Variants in CD8A observed in about 807,000 individuals in gnomAD.
CD8A encodes T-cell surface glycoprotein CD8 alpha chain.
CD8A carries 25 observed loss-of-function variants against 24.2 expected under a neutral mutation model. The ratio of observed to expected loss-of-function variants is 1.03; its 90% CI spans 0.75 to 1.44. CD8A has a LOEUF of 1.44. CD8A is among the 40% of genes most tolerant of loss of function. CD8A has a pLI of 0.00. For synonymous variants in CD8A, 165 were observed against 149.9 expected, an observed-to-expected ratio of 1.10 and a Z score of -0.74; for missense variants, 360 against 319.7, an observed-to-expected ratio of 1.13 and a Z score of -0.96.
intron 5 of CD8A, among the ~76,000 whole-genome samples, chr2:86,787,019 C>CAAAAAAAAAAAAAAAAAAAA (rs745778659): frequency 2.7e-5 from 1 of 36,552 alleles, no homozygotes; most frequent in Non-Finnish European, 4.6e-5. Context: ...GACTCCGTCT[C>CAAAAAAAAAAAAAAAAAAAA]AAAAAAAAAA....
Position 86,785,385 on chromosome 2 carries a change from A to G in CD8A, c.*535T>C. 1 of 454,400 alleles carries G rather than the reference A, an allele frequency of 2.2e-6. No individual in the cohort carries two copies. Among genetic ancestry groups the G allele is most frequent in the Non-Finnish European group, 4.4e-6 (1 of 227,014 alleles). 28.1% of individuals were successfully genotyped at this position (454,400 alleles called of 1,614,324 possible). A position where few individuals can be genotyped will look rare whatever the true frequency, so the allele number is the denominator to read the frequency against. On this transcript the variant is annotated 3_prime_UTR_variant, in exon 6 of 6. Coordinates refer to ENST00000283635, the MANE Select transcript of CD8A (RefSeq NM_001768.7). ...TCTGGGCACAGTATCCCAGGTATCA[A>G]GAAGTACTTGTTCCCTTGCCGTTGG...
In CD8A at chr2:86,790,700, G is replaced by T; in HGVS notation, c.50-19C>A. ...GCGGCGTCTGCAGGCGGCAAGCAGC[G>T]AGGCTGAGCCCGCAGTCCCGCGCCC... is the stretch of plus-strand genomic sequence containing the variant. On this transcript the variant is annotated intron_variant, in intron 1 of 5. Transcript: ENST00000283635. 1.3e-6 allele frequency: 2 copies of T among 1,589,876 alleles called. No homozygotes were observed. Among genetic ancestry groups the T allele is most frequent in the African/African-American group, 2.7e-5 (2 of 74,738 alleles).
At chr2:86,789,922 G>T (rs1007704745) in intron 2 of CD8A, among the ~76,000 whole-genome samples, 172 bp from the exon 3 acceptor site, 1 of 152,188 alleles carries the variant, frequency 6.6e-6, no homozygotes, top group Non-Finnish European at 1.5e-5. Context: ...CCCTGTGCTC[G>T]GGCCTCGGCT....
intron 3 of CD8A, among the ~76,000 whole-genome samples, chr2:86,798,338 G>A (rs1039567136): frequency 6.6e-6 from 1 of 151,886 alleles, no homozygotes; most frequent in Non-Finnish European, 1.5e-5. Context: ...ACCACGTCCG[G>A]CTAATTTTGT....
upstream of CD8A, chr2:86,791,134 T>C: frequency 1.6e-6 from 1 of 638,660 alleles, no homozygotes; most frequent in Non-Finnish European, 2.9e-6. Context: ...TTGGAAATAG[T>C]CCTTGGAAAT....
intron 2 of CD8A, among the ~76,000 whole-genome samples, chr2:86,802,414 A>G (rs1017972295): frequency 3.3e-5 from 5 of 152,226 alleles, no homozygotes; most frequent in Non-Finnish European, 7.3e-5. Context: ...GTGCACTATT[A>G]ATAGTCGCAA....
At chr2:86,802,271 C>CT (rs1673697799) in intron 2 of CD8A, among the ~76,000 whole-genome samples, 1 of 152,176 alleles carries the variant, frequency 6.6e-6, no homozygotes, top group African/African-American at 2.4e-5. Flanking sequence ...CTCCTGAACT[C>CT]TAGTAATCTG....
At chr2:86,801,385 AG>A (rs1183083098) in intron 3 of CD8A, 2 of 149,504 alleles carry the variant, frequency 1.3e-5, no homozygotes, top group Non-Finnish European at 3.0e-5. Context: ...CCTTGGAGAA[AG>A]GGTCTTGCAC....
At chr2:86,800,855 CA>C (rs1369028533) in intron 3 of CD8A, among the ~76,000 whole-genome samples, 1 of 152,158 alleles carries the variant, frequency 6.6e-6, no homozygotes, top group Non-Finnish European at 1.5e-5. Flanking sequence ...TATTTGGAGA[CA>C]AGGTCCTTAC....
intron 5 of CD8A, among the ~76,000 whole-genome samples, chr2:86,787,725 A>T (rs1275989150): frequency 6.6e-6 from 1 of 152,206 alleles, no homozygotes; most frequent in Non-Finnish European, 1.5e-5. Context: ...TTGCCACTTT[A>T]CTAATCCCTG....
chr2:86,793,964 T>C (rs1301613793), upstream of CD8A, among the ~76,000 whole-genome samples: 2 of 152,142 alleles, frequency 1.3e-5, no homozygotes, highest in Non-Finnish European at 2.9e-5. Flanking sequence ...GTGACCCCAG[T>C]GATATTTTTT....
chr2:86,788,805 T>C (rs1673131212), intron 4 of CD8A, among the ~76,000 whole-genome samples: 1 of 152,130 alleles, frequency 6.6e-6, no homozygotes, highest in Admixed American at 6.5e-5. Flanking sequence ...GGGCTTCTTA[T>C]CCATCCTTCG....
intron 4 of CD8A, 125 bp downstream of exon 4, chr2:86,789,198 G>C (rs1448595190): frequency 2.7e-6 from 2 of 744,680 alleles, no homozygotes; most frequent in Admixed American, 1.9e-5. Context: ...TGTACCTGCG[G>C]GGCAGCTCGG....
At chr2:86,802,591 A>G (rs567659873) in intron 2 of CD8A, among the ~76,000 whole-genome samples, 20 of 152,174 alleles carry the variant, frequency 1.3e-4, no homozygotes, top group African/African-American at 2.6e-4. Flanking sequence ...AATAGAATTC[A>G]TAAGTCCATT....
At chr2:86,806,960 G>T (rs1015135565) in intron 2 of CD8A, among the ~76,000 whole-genome samples, 8 of 151,684 alleles carry the variant, frequency 5.3e-5, no homozygotes, top group Admixed American at 5.3e-4. Context: ...GACCTAGAGA[G>T]AAATGAGCCT....
exon 1 of CD8A, chr2:86,808,331 A>T (rs530867742): frequency 6.6e-6 from 1 of 152,242 alleles, no homozygotes. Context: ...CAGAGGAGGG[A>T]TCTAGAATTC....
upstream of CD8A, chr2:86,791,198 A>G: frequency 2.2e-6 from 1 of 463,390 alleles, no homozygotes; most frequent in Admixed American, 2.9e-5. Context: ...GATTTCAAGA[A>G]GTGAGGGCGA....
intron 2 of CD8A, among the ~76,000 whole-genome samples, chr2:86,805,123 G>C (rs1208903717): frequency 4.6e-5 from 7 of 151,830 alleles, no homozygotes; most frequent in Non-Finnish European, 8.8e-5. Flanking sequence ...TTTTTAATGA[G>C]TGAAGGAGTC....
intron 2 of CD8A, among the ~76,000 whole-genome samples, chr2:86,805,474 G>A (rs1349361379): frequency 1.3e-5 from 2 of 152,128 alleles, no homozygotes; most frequent in African/African-American, 4.8e-5. Context: ...ATTTACCCAC[G>A]AGCTTTGTTA....
Sources: allele counts gnomAD v4.1 joint callset (sites outside exome capture counted in the v4.1 genomes callset), GRCh38; gene constraint gnomAD v4.1.1; transcripts MANE v1.5; gene names NCBI Gene and HGNC (gene_info 2026-07-23, HGNC 2026-07-21).